Variants in GPR21 observed in about 807,000 individuals in gnomAD.
GPR21 encodes probable G protein-coupled receptor 21.
A neutral mutation model predicts 21.5 loss-of-function variants in GPR21; 9 were observed. The ratio of observed to expected loss-of-function variants is 0.42; its 90% CI spans 0.25 to 0.73. The LOEUF is 0.73. Ranked by LOEUF, GPR21 falls within the 30% of genes least tolerant of loss-of-function variation. GPR21 has a pLI of 0.27. For missense variants in GPR21, 416 were observed against 428.9 expected (o/e 0.97, Z 0.27); for synonymous variants, 169 against 159.3 (o/e 1.06, Z -0.46).
chr9:123,048,394 A>G, the GPR21 span, among the ~76,000 whole-genome samples: 2 of 152,212 alleles, frequency 1.3e-5, no homozygotes, highest in African/African-American at 4.8e-5. Flanking sequence ...CATTGATTCG[A>G]TTATTTAAAA....
At chr9:123,047,950 T>G in the GPR21 span, among the ~76,000 whole-genome samples, 1 of 101,418 alleles carries the variant, frequency 9.9e-6, no homozygotes, top group South Asian at 2.9e-4. Flanking sequence ...TTTTTTTTTT[T>G]TTTTTGAGAC....
chr9:123,047,077 G>T, the GPR21 span, among the ~76,000 whole-genome samples: 4 of 152,158 alleles, frequency 2.6e-5, no homozygotes, highest in Non-Finnish European at 5.9e-5. Context: ...TTAGAAAATA[G>T]GAGTTTTCAG....
downstream of GPR21, among the ~76,000 whole-genome samples, chr9:123,039,986 T>C (rs1467006247): frequency 6.6e-6 from 1 of 152,194 alleles, no homozygotes; most frequent in Non-Finnish European, 1.5e-5. Flanking sequence ...AATTGTATTA[T>C]GTAAGAGCAG....
chr9:123,034,433 G>GAA lies in GPR21; in HGVS notation c.-133_-132insAA. ...CAATGCACCAGAGCAGCAGCATCAG[G>GAA]AGCTTGGGGAGTAAGGCTCCTCTGG... On this transcript the variant is annotated 5_prime_UTR_variant, in exon 2 of 2. An upstream open reading frame in the 5' UTR loses its in-frame stop. Coordinates refer to ENST00000616002, the MANE Select transcript of GPR21 (RefSeq NM_005294.3). The GAA allele has an allele frequency of 1.5e-6, 1 of 654,568 alleles. No homozygotes were observed. The highest frequency in any genetic ancestry group is 2.7e-6 in the Non-Finnish European group (1 of 369,464). The allele number at this position is 654,568 out of a possible 1,614,324, so 40.5% of individuals were successfully genotyped here. A position where few individuals can be genotyped will look rare whatever the true frequency, so the allele number is the denominator to read the frequency against.
chr9:123,042,583 A>C, the GPR21 span, among the ~76,000 whole-genome samples: 70 of 152,314 alleles, frequency 4.6e-4, no homozygotes, highest in African/African-American at 1.7e-3. Flanking sequence ...TTAAAGTATA[A>C]TAATTTTTTT....
intron 1 of GPR21, among the ~76,000 whole-genome samples, chr9:123,033,959 G>A (rs2032457200): frequency 6.6e-6 from 1 of 152,124 alleles, no homozygotes; most frequent in South Asian, 2.1e-4. Context: ...ACTGTGATTG[G>A]TTTTGTTTTA....
downstream of GPR21, chr9:123,035,685 T>TGTGTG: frequency 2.4e-6 from 2 of 837,412 alleles, no homozygotes; most frequent in African/African-American, 3.5e-5. Flanking sequence ...TGTGTGTGTA[T>TGTGTG]TTTATCTCTA....
chr9:123,036,775 T>G (rs895178246), downstream of GPR21, among the ~76,000 whole-genome samples: 1 of 151,232 alleles, frequency 6.6e-6, no homozygotes, highest in Non-Finnish European at 1.5e-5. Context: ...TGCTATTTTC[T>G]CTCTGGAAAA....
chr9:123,047,924 T>G, the GPR21 span, among the ~76,000 whole-genome samples: 2 of 54,930 alleles, frequency 3.6e-5, no homozygotes, highest in Non-Finnish European at 5.2e-5. Context: ...GCTGGGTTTT[T>G]TTTTTTTTTT....
At chr9:123,040,571 T>C (rs955119936), downstream of GPR21, among the ~76,000 whole-genome samples, 1 of 152,200 alleles carries the variant, frequency 6.6e-6, no homozygotes, top group African/African-American at 2.4e-5. Context: ...TTGCAAGTCT[T>C]AGTAGTCTGC....
chr9:123,034,853 T>G lies in GPR21; in HGVS notation c.287T>G (p.Val96Gly). 6.2e-7 allele frequency: 1 copy of G among 1,614,098 alleles called. No homozygotes were observed. The highest frequency in any genetic ancestry group is 1.3e-5 in the African/African-American group (1 of 75,052). Residue 96 changes from valine (V) to glycine (G), a missense_variant, in exon 2 of 2, where the codon GTA becomes GGA. Physicochemically the swap from Val to Gly is moderately radical, Grantham distance 109. Transcript: ENST00000616002. Reference sequence around the variant, plus strand: ...TCACTCCTCCATCACCCCCTTCCAGTAGAGGAGTCCTTGACTTGCCAGATA... The same window carrying G: ...TCACTCCTCCATCACCCCCTTCCAGGAGAGGAGTCCTTGACTTGCCAGATA... ...SLSLLHHPLP[V>G]EESLTCQIFG... is the part of the protein sequence containing the mutation.
At chr9:123,045,746 G>C in the GPR21 span, among the ~76,000 whole-genome samples, 13 of 152,090 alleles carry the variant, frequency 8.5e-5, no homozygotes, top group Non-Finnish European at 1.6e-4. Context: ...TTTCCTCTGA[G>C]ATAAAGAGGA....
the GPR21 span, among the ~76,000 whole-genome samples, chr9:123,047,919 G>GTTTTTTTTTTTTTTTTTTTTTTT: frequency 9.6e-5 from 6 of 62,282 alleles, 1 homozygote; most frequent in Non-Finnish European, 2.1e-4. Flanking sequence ...CAGCTGCTGG[G>GTTTTTTTTTTTTTTTTTTTTTTT]TTTTTTTTTT....
the GPR21 span, among the ~76,000 whole-genome samples, chr9:123,044,640 TG>T: frequency 1.3e-5 from 2 of 151,898 alleles, no homozygotes; most frequent in Non-Finnish European, 2.9e-5. Context: ...TGTGTGTGTG[TG>T]TGTGTGTGTG....
downstream of GPR21, among the ~76,000 whole-genome samples, chr9:123,038,759 A>T (rs2032800184): frequency 6.6e-6 from 1 of 151,196 alleles, no homozygotes; most frequent in Non-Finnish European, 1.5e-5. Flanking sequence ...AAATTTATAT[A>T]TTATTAATAT....
the GPR21 span, among the ~76,000 whole-genome samples, chr9:123,047,919 G>GTTTTTTTTTTTTTTT: frequency 2.2e-4 from 14 of 62,282 alleles, 3 homozygotes; most frequent in Non-Finnish European, 4.6e-4. Flanking sequence ...CAGCTGCTGG[G>GTTTTTTTTTTTTTTT]TTTTTTTTTT....
chr9:123,041,532 G>A, the GPR21 span, among the ~76,000 whole-genome samples: 1 of 152,138 alleles, frequency 6.6e-6, no homozygotes, highest in Non-Finnish European at 1.5e-5. Context: ...AAACATGACA[G>A]ACCTCCTGCT....
At chr9:123,045,876 T>G in the GPR21 span, among the ~76,000 whole-genome samples, 1 of 152,176 alleles carries the variant, frequency 6.6e-6, no homozygotes, top group African/African-American at 2.4e-5. Context: ...ACATCTAAAG[T>G]ATGTAAAATT....
chr9:123,035,726 C>T, downstream of GPR21: 1 of 708,156 alleles, frequency 1.4e-6, no homozygotes, highest in Non-Finnish European at 2.3e-6. Context: ...AAATCTGGGA[C>T]AGAATACTTT....
Sources: gnomAD v4.1 joint callset for allele counts (sites outside exome capture counted in the v4.1 genomes callset) on GRCh38, gnomAD v4.1.1 for gene constraint, MANE v1.5 for transcripts, NCBI Gene and HGNC (gene_info 2026-07-23, HGNC 2026-07-21) for gene names.